Variants in SND1 observed in about 807,000 individuals in gnomAD.
SND1 encodes staphylococcal nuclease and tudor domain containing 1, also known as staphylococcal nuclease domain-containing protein 1.
In SND1, 38 loss-of-function variants were observed where a neutral mutation model predicts 121.7. The ratio of observed to expected loss-of-function variants is 0.31; its 90% CI spans 0.24 to 0.41. SND1 has a LOEUF of 0.41. Ranked by LOEUF, SND1 falls within the 10% of genes least tolerant of loss-of-function variation. The pLI, the probability that SND1 is intolerant of heterozygous loss-of-function variation, is 1.00. For missense variants in SND1, 868 were observed against 1,184.6 expected, an observed-to-expected ratio of 0.73 and a Z score of 3.92; for synonymous variants, 401 against 447.4, an observed-to-expected ratio of 0.90 and a Z score of 1.31.
intron 14 of SND1, among the ~76,000 whole-genome samples, chr7:127,914,325 C>A (rs1284017614): frequency 6.6e-6 from 1 of 152,160 alleles, no homozygotes; most frequent in Non-Finnish European, 1.5e-5. Flanking sequence ...CACATTTCTT[C>A]TTTTTGCAAT....
intron 12 of SND1, among the ~76,000 whole-genome samples, chr7:127,848,786 C>T (rs1799113829): frequency 2.0e-5 from 3 of 152,146 alleles, no homozygotes; most frequent in African/African-American, 7.2e-5. Flanking sequence ...AGTTTAGATG[C>T]ATTTCACATG....
At chr7:127,678,986 C>T (rs1795660968) in intron 1 of SND1, 1 of 152,214 alleles carries the variant, frequency 6.6e-6, no homozygotes. Flanking sequence ...GCTTCTTTGC[C>T]ACTCTGACGT....
At chr7:127,725,180 A>G (rs986258818) in intron 10 of SND1, among the ~76,000 whole-genome samples, 2 of 152,188 alleles carry the variant, frequency 1.3e-5, no homozygotes, top group African/African-American at 4.8e-5. Context: ...AGACTGAGCA[A>G]CAGGCATCCT....
chr7:127,712,008 CCTT>C (rs1248256324), intron 9 of SND1, among the ~76,000 whole-genome samples: 3 of 151,622 alleles, frequency 2.0e-5, no homozygotes, highest in Non-Finnish European at 2.9e-5. Context: ...TCTCCTCTCC[CCTT>C]CTTGGGTTAT....
At chr7:127,801,053 T>C (rs1798118141) in intron 10 of SND1, among the ~76,000 whole-genome samples, 1 of 152,218 alleles carries the variant, frequency 6.6e-6, no homozygotes, top group Non-Finnish European at 1.5e-5. Flanking sequence ...TATCCAGTGT[T>C]AATATGGATG....
chr7:128,079,967 T>C (rs544232424), intron 17 of SND1, among the ~76,000 whole-genome samples: 3 of 152,322 alleles, frequency 2.0e-5, no homozygotes, highest in African/African-American at 4.8e-5. Flanking sequence ...CTGCCTATGT[T>C]TGAATTCTGA....
chr7:128,081,608 TC>T, intron 18 of SND1, 107 bp downstream of exon 18: 1 of 1,302,140 alleles, frequency 7.7e-7, no homozygotes, highest in Non-Finnish European at 1.1e-6. Context: ...GCCTAGGCAG[TC>T]CAGGAGCCTC....
intron 14 of SND1, among the ~76,000 whole-genome samples, chr7:127,917,044 T>G (rs1253909867): frequency 1.3e-5 from 2 of 152,238 alleles, no homozygotes; most frequent in African/African-American, 4.8e-5. Flanking sequence ...GATCCTTAAC[T>G]GAACAAACTA....
intron 10 of SND1, among the ~76,000 whole-genome samples, chr7:127,760,846 T>C (rs1247969501): frequency 6.6e-6 from 1 of 152,218 alleles, no homozygotes. Flanking sequence ...TACTAAGTGC[T>C]GGGCCATTTG....
intron 10 of SND1, among the ~76,000 whole-genome samples, chr7:127,734,620 G>T (rs1796741040): frequency 6.6e-6 from 1 of 152,188 alleles, no homozygotes; most frequent in South Asian, 2.1e-4. Flanking sequence ...GAGCTTGATG[G>T]CGGTTCAGGA....
chr7:127,906,560 A>G (rs1800345089), intron 14 of SND1, among the ~76,000 whole-genome samples: 1 of 152,192 alleles, frequency 6.6e-6, no homozygotes, highest in Admixed American at 6.5e-5. Flanking sequence ...ACCCGTCTAC[A>G]CAAAGGGCCA....
At chr7:127,791,214 T>C (rs1208229313) in intron 10 of SND1, among the ~76,000 whole-genome samples, 2 of 148,078 alleles carry the variant, frequency 1.4e-5, no homozygotes, top group Non-Finnish European at 3.0e-5. Flanking sequence ...AGTGGTGCTA[T>C]CTCCACTCAC....
chr7:127,848,567 G>A (rs372254505), intron 12 of SND1, among the ~76,000 whole-genome samples: 2 of 152,210 alleles, frequency 1.3e-5, no homozygotes, highest in East Asian at 3.8e-4. Context: ...AAATTAAGAA[G>A]AAATCTTATC....
At chr7:128,028,803 G>T in intron 16 of SND1, 1 of 1,614,156 alleles carries the variant, frequency 6.2e-7, no homozygotes, top group Middle Eastern at 1.6e-4. Context: ...GGCCCCATGT[G>T]CTGGTTTGTA....
intron 10 of SND1, among the ~76,000 whole-genome samples, chr7:127,794,712 A>G (rs1481046139): frequency 7.2e-5 from 11 of 152,148 alleles, no homozygotes; most frequent in African/African-American, 2.7e-4. Context: ...GATGGGTTTC[A>G]TCTGGCTTGG....
chr7:127,768,833 C>T (rs1367026715), intron 10 of SND1, among the ~76,000 whole-genome samples: 1 of 152,168 alleles, frequency 6.6e-6, no homozygotes, highest in Non-Finnish European at 1.5e-5. Context: ...TGAAGTGCTT[C>T]AGGATGGTCA....
chr7:127,900,414 CTT>C (rs1442457868), intron 13 of SND1, among the ~76,000 whole-genome samples: 1 of 152,146 alleles, frequency 6.6e-6, no homozygotes, highest in Non-Finnish European at 1.5e-5. Flanking sequence ...GAGCATTGGT[CTT>C]GAGATTTTCT....
At chr7:127,728,609 T>C (rs749187082) in intron 10 of SND1, among the ~76,000 whole-genome samples, 6 of 152,234 alleles carry the variant, frequency 3.9e-5, no homozygotes, top group Non-Finnish European at 5.9e-5. Flanking sequence ...TTTATTTGTG[T>C]ACATCTCTAC....
rs147609290 is a variant in SND1 at position 128,028,880 on chromosome 7, C to T, written c.1779+37824C>T. On this transcript the variant is annotated intron_variant, in intron 16 of 23. Coordinates refer to ENST00000354725, the MANE Select transcript of SND1 (RefSeq NM_014390.4). ...CTGCCCCCTCACCTGATACACCGGA[C>T]GGAGCTGCTGTTGCTGCTGCGGATG... 519 of 1,614,070 alleles carry T rather than the reference C, an allele frequency of 3.2e-4. 2 individuals carry two copies. In the African/African-American group the frequency reaches 6.1e-3, roughly 19 times the overall value.
Sources: gnomAD v4.1 joint callset for allele counts (sites outside exome capture counted in the v4.1 genomes callset) on GRCh38, gnomAD v4.1.1 for gene constraint, MANE v1.5 for transcripts, NCBI Gene and HGNC (gene_info 2026-07-23, HGNC 2026-07-21) for gene names.